HS2ST1: variants seen among roughly 807,000 people sequenced by gnomAD.
The protein encoded by HS2ST1 is heparan sulfate 2-O-sulfotransferase 1, also known as 2-O-sulfotransferase.
Under a neutral mutation model 42.9 loss-of-function variants are expected in HS2ST1, and 18 were observed. The ratio of observed to expected loss-of-function variants is 0.42; its 90% confidence interval spans 0.29 to 0.62. The LOEUF is 0.62. Among genes scored for constraint, HS2ST1 ranks in the 20% least tolerant of loss-of-function variants. The probability of loss-of-function intolerance (pLI) is 0.21; values close to 1 mark genes in which losing one functional copy is unlikely to be tolerated. For missense variants in HS2ST1, 334 were observed against 433.8 expected (o/e 0.77, Z 2.04); for synonymous variants, 146 against 152.9 (o/e 0.95, Z 0.33).
chr1:87,008,150 A>T (rs1649494216), intron 1 of HS2ST1, among the ~76,000 whole-genome samples: 1 of 152,180 alleles, frequency 6.6e-6, no homozygotes, highest in Non-Finnish European at 1.5e-5. Context: ...TTCCTGACAA[A>T]TAATTTAAGT....
intron 1 of HS2ST1, among the ~76,000 whole-genome samples, chr1:86,996,050 C>T (rs567450089): frequency 4.4e-4 from 67 of 152,044 alleles, no homozygotes; most frequent in Non-Finnish European, 6.6e-4. Context: ...AAAAGATAGC[C>T]ATTTTTTTAA....
At chr1:87,004,554 G>A (rs1649382977) in intron 1 of HS2ST1, among the ~76,000 whole-genome samples, 1 of 152,066 alleles carries the variant, frequency 6.6e-6, no homozygotes, top group African/African-American at 2.4e-5. Context: ...AGCAAGTACT[G>A]TTTATAAGCA....
intron 1 of HS2ST1, among the ~76,000 whole-genome samples, chr1:87,065,080 A>C (rs752868845): frequency 2.0e-5 from 3 of 152,236 alleles, no homozygotes; most frequent in Non-Finnish European, 2.9e-5. Flanking sequence ...TTGGCTGGGC[A>C]GTCAACTCAC....
intron 1 of HS2ST1, chr1:86,993,121 A>G (rs1316537871): frequency 2.5e-6 from 4 of 1,601,878 alleles, no homozygotes; most frequent in Non-Finnish European, 3.4e-6. Context: ...AGTATTCAGT[A>G]TGCCAGGTAC....
intron 1 of HS2ST1, among the ~76,000 whole-genome samples, chr1:86,985,475 CACATATATACACATATATAT>C (rs1648747208): frequency 8.3e-5 from 6 of 71,870 alleles, no homozygotes; most frequent in African/African-American, 2.3e-4. Context: ...CACATATATA[CACATATATACACATATATAT>C]ACACATATAT....
At chr1:86,957,793 ATTT>A (rs34769860) in intron 1 of HS2ST1, among the ~76,000 whole-genome samples, 7 of 136,452 alleles carry the variant, frequency 5.1e-5, no homozygotes, top group Admixed American at 1.5e-4. Context: ...GTTTTTTTAG[ATTT>A]TTTTTTTTTT....
intron 1 of HS2ST1, among the ~76,000 whole-genome samples, chr1:87,017,906 C>T (rs1207845194): frequency 6.6e-6 from 1 of 151,784 alleles, no homozygotes; most frequent in African/African-American, 2.4e-5. Context: ...CATCTATCCC[C>T]CACAAAAGTG....
chr1:86,929,551 A>T (rs1376717396), intron 1 of HS2ST1, among the ~76,000 whole-genome samples: 1 of 151,848 alleles, frequency 6.6e-6, no homozygotes, highest in Non-Finnish European at 1.5e-5. Flanking sequence ...TCCTATTAAT[A>T]CCTGTGAAAT....
At chr1:86,982,373 A>G (rs1044519207) in intron 1 of HS2ST1, among the ~76,000 whole-genome samples, 1 of 152,226 alleles carries the variant, frequency 6.6e-6, no homozygotes, top group Non-Finnish European at 1.5e-5. Context: ...TCCTCCCCAG[A>G]AAATGACTTT....
intron 2 of HS2ST1, among the ~76,000 whole-genome samples, chr1:87,075,897 G>T (rs1227598535): frequency 6.6e-6 from 1 of 152,070 alleles, no homozygotes; most frequent in Non-Finnish European, 1.5e-5. Flanking sequence ...TCATTTATTT[G>T]TTGTGTATGT....
chr1:86,974,966 T>G (rs1259546057), intron 1 of HS2ST1, among the ~76,000 whole-genome samples: 2 of 152,202 alleles, frequency 1.3e-5, no homozygotes, highest in East Asian at 3.8e-4. Flanking sequence ...TCAAATTGAC[T>G]GAAGTCAACT....
rs192202763 is a variant in HS2ST1 at position 87,048,012 on chromosome 1, A to G, written c.125-24922A>G. Among the ~76,000 whole-genome samples the G allele has an allele frequency of 1.9e-3, 289 of 152,314 alleles. 1 individual carries two copies. Among genetic ancestry groups the G allele is most frequent in the Admixed American group, 5.2e-3 (80 of 15,302 alleles). On this transcript the variant is annotated intron_variant, in intron 1 of 6. Coordinates refer to ENST00000370550, the MANE Select transcript of HS2ST1 (RefSeq NM_012262.4). Reference sequence around the variant, plus strand: ...GATTGGGATTGCATGGCATCTGTATATAAATTTTTGGAGAATTGACATCTT... The same window carrying G: ...GATTGGGATTGCATGGCATCTGTATGTAAATTTTTGGAGAATTGACATCTT...
intron 1 of HS2ST1, among the ~76,000 whole-genome samples, chr1:86,949,186 A>G (rs767649610): frequency 3.3e-5 from 5 of 152,090 alleles, no homozygotes; most frequent in Admixed American, 6.5e-5. Flanking sequence ...TCAGCTCACT[A>G]CAACCTCTGC....
chr1:86,971,208 A>C (rs370625125), intron 1 of HS2ST1, among the ~76,000 whole-genome samples: 8 of 152,210 alleles, frequency 5.3e-5, no homozygotes, highest in African/African-American at 1.9e-4. Flanking sequence ...AGACATGGAA[A>C]TAGTGGCATC....
chr1:86,914,797 C>A lies in HS2ST1; in HGVS notation c.-240C>A. Reference sequence around the variant, plus strand: ...CGCTTCGCGCTGTTTGCTGCGCGGGCTTTTGGAGGGGGCGGCCGTTTAGTC... The same window carrying A: ...CGCTTCGCGCTGTTTGCTGCGCGGGATTTTGGAGGGGGCGGCCGTTTAGTC... On this transcript the variant is annotated 5_prime_UTR_variant, in exon 1 of 7. Coordinates refer to ENST00000370550, the MANE Select transcript of HS2ST1 (RefSeq NM_012262.4). 1 of 548,298 alleles carries A rather than the reference C, an allele frequency of 1.8e-6. No individual in the cohort carries two copies. The highest frequency in any genetic ancestry group is 3.2e-6 in the Non-Finnish European group (1 of 311,034). The allele number at this position is 548,298 out of a possible 1,614,324, so 34.0% of individuals were successfully genotyped here. A position where few individuals can be genotyped will look rare whatever the true frequency, so the allele number is the denominator to read the frequency against.
chr1:86,937,175 C>T (rs761322813), intron 1 of HS2ST1, among the ~76,000 whole-genome samples: 5 of 151,914 alleles, frequency 3.3e-5, no homozygotes, highest in Non-Finnish European at 7.4e-5. Context: ...TATTTGCAAA[C>T]TGATATTCCC....
chr1:87,089,212 T>TA (rs572482690), intron 3 of HS2ST1, among the ~76,000 whole-genome samples: 98 of 152,156 alleles, frequency 6.4e-4, no homozygotes, highest in Non-Finnish European at 1.3e-3. Context: ...AATGTAATTG[T>TA]AAAAAAATGA....
chr1:87,012,300 G>T (rs1480429452), intron 1 of HS2ST1, among the ~76,000 whole-genome samples: 1 of 152,116 alleles, frequency 6.6e-6, no homozygotes, highest in Non-Finnish European at 1.5e-5. Context: ...ACAGTTACAC[G>T]TAGCTGGGGA....
intron 3 of HS2ST1, among the ~76,000 whole-genome samples, chr1:87,085,814 A>T (rs1433200472): frequency 6.6e-6 from 1 of 152,192 alleles, no homozygotes; most frequent in Non-Finnish European, 1.5e-5. Flanking sequence ...TGCTTTTGGC[A>T]AAGTCTTATA....
Sources: allele counts gnomAD v4.1 joint callset (sites outside exome capture counted in the v4.1 genomes callset), GRCh38; gene constraint gnomAD v4.1.1; transcripts MANE v1.5; gene names NCBI Gene and HGNC (gene_info 2026-07-23, HGNC 2026-07-21).